The following DOCK10 variants were observed in gnomAD, a reference collection of about 807,000 sequenced individuals.
The protein encoded by DOCK10 is dedicator of cytokinesis 10, also known as dedicator of cytokinesis protein 10.
A neutral mutation model predicts 280.1 loss-of-function variants in DOCK10; 145 were observed. The observed-to-expected ratio is 0.52, with a 90% CI of 0.45 to 0.59. DOCK10 has a LOEUF of 0.59. Ranked by LOEUF, DOCK10 falls within the 20% of genes least tolerant of loss-of-function variation. DOCK10 has a pLI of 0.00. For missense variants in DOCK10, 2,368 were observed against 2,651.7 expected (o/e 0.89, Z 2.35); for synonymous variants, 915 against 942.2 (o/e 0.97, Z 0.53).
chr2:224,915,471 G>A (rs1575050407), intron 3 of DOCK10, among the ~76,000 whole-genome samples: 1 of 151,796 alleles, frequency 6.6e-6, no homozygotes, highest in South Asian at 2.1e-4. Context: ...CAAAATAATG[G>A]AATTGGGAAA....
intron 27 of DOCK10, among the ~76,000 whole-genome samples, chr2:224,826,974 A>G (rs1255020282): frequency 6.6e-6 from 1 of 151,210 alleles, no homozygotes; most frequent in East Asian, 2.0e-4. Context: ...AAGGGGAAAA[A>G]AAAATGGGCC....
Position 224,931,651 on chromosome 2 carries a change from A to C in DOCK10, c.141T>G (p.Leu47=). The change falls in exon 2 of 56, where the codon CTT becomes CTG. Residue 47 remains leucine (L), a synonymous_variant. Coordinates refer to ENST00000258390, the MANE Select transcript of DOCK10 (RefSeq NM_014689.3). ...CAGTCTCATAATCCAAAGGCTCGAG[A>C]AGCCTAGGCTTTTCTTGCTGTAGAA... ...RQQQRQEKPR[L]LEPLDYETVI... The C allele has an allele frequency of 6.2e-7, 1 of 1,607,770 alleles. No individual in the cohort carries two copies. Among genetic ancestry groups the C allele is most frequent in the Non-Finnish European group, 8.5e-7 (1 of 1,176,988 alleles).
intron 1 of DOCK10, among the ~76,000 whole-genome samples, chr2:224,934,540 T>C (rs991639918): frequency 6.6e-5 from 10 of 152,240 alleles, no homozygotes; most frequent in Non-Finnish European, 1.5e-5. Flanking sequence ...TTTACACATC[T>C]GTGATGGCGA....
Position 224,835,239 on chromosome 2 carries a change from T to C in DOCK10, c.2851-976A>G, listed in dbSNP as rs2125422536. Among the ~76,000 whole-genome samples the C allele has an allele frequency of 1.3e-5, 2 of 152,372 alleles. 1 individual carries two copies. Among genetic ancestry groups the C allele is most frequent in the South Asian group, 4.1e-4 (2 of 4,832 alleles). ...TACAATTTTTCCCTCTCATGGGTTA[T>C]ACCTCAGATGTGAGTAACGTCATCA... is the stretch of plus-strand genomic sequence containing the variant. On this transcript the variant is annotated intron_variant, in intron 25 of 55. Coordinates refer to ENST00000258390, the MANE Select transcript of DOCK10 (RefSeq NM_014689.3).
chr2:224,943,615 A>C (rs1272151922), intron 1 of DOCK10, among the ~76,000 whole-genome samples: 1 of 152,174 alleles, frequency 6.6e-6, no homozygotes, highest in African/African-American at 2.4e-5. Flanking sequence ...ATTTAAAAGA[A>C]GTTATTGCTT....
At chr2:224,914,654 C>A (rs183807027) in intron 3 of DOCK10, among the ~76,000 whole-genome samples, 17 of 152,016 alleles carry the variant, frequency 1.1e-4, no homozygotes, top group Non-Finnish European at 2.2e-4. Flanking sequence ...ACGCCAGAAA[C>A]GAACATAAAA....
intron 3 of DOCK10, among the ~76,000 whole-genome samples, chr2:224,915,701 C>T (rs898356550): frequency 2.6e-5 from 4 of 152,200 alleles, no homozygotes; most frequent in African/African-American, 9.6e-5. Flanking sequence ...CCACTACTTT[C>T]AGTTTGACCT....
At chr2:224,955,887 A>G (rs1188382498) in intron 1 of DOCK10, among the ~76,000 whole-genome samples, 1 of 152,222 alleles carries the variant, frequency 6.6e-6, no homozygotes, top group Non-Finnish European at 1.5e-5. Context: ...TACCTCTCAT[A>G]AGGGCACCCA....
chr2:225,039,689 T>TCC (rs1222283063), intron 1 of DOCK10, among the ~76,000 whole-genome samples: 8 of 10,356 alleles, frequency 7.7e-4, no homozygotes, highest in Admixed American at 6.8e-3. Flanking sequence ...TCCTGTCTTC[T>TCC]CTCTCTCTCT....
intron 27 of DOCK10, among the ~76,000 whole-genome samples, chr2:224,830,076 C>A (rs1019236141): frequency 2.6e-5 from 4 of 152,148 alleles, no homozygotes; most frequent in Non-Finnish European, 5.9e-5. Context: ...AGGCTACCCT[C>A]CCCCCAGGCT....
At chr2:224,837,663 CAGTT>C in intron 25 of DOCK10, 95 bp downstream of exon 25, 1 of 941,478 alleles carries the variant, frequency 1.1e-6, no homozygotes, top group Non-Finnish European at 1.7e-6. Context: ...GGGCGCCACT[CAGTT>C]AAAGGGAGAA....
Position 224,876,290 on chromosome 2 carries a change from A to T in DOCK10, c.748-69T>A, listed in dbSNP as rs1395190463. ...TAAGCCTTCGAGAGAGAGATCATTT[A>T]TGTGGGCTTGAGGTTCCAAAAGTCT... On this transcript the variant is annotated intron_variant, in intron 7 of 55. Transcript: ENST00000258390. The T allele has an allele frequency of 8.1e-6, 11 of 1,365,560 alleles. No individual in the cohort carries two copies. The South Asian group carries it at 1.5e-4, about 18-fold the overall frequency. The allele number at this position is 1,365,560 out of a possible 1,614,324, so 84.6% of individuals were successfully genotyped here.
chr2:225,010,347 T>C (rs946365977), intron 1 of DOCK10: 1 of 152,034 alleles, frequency 6.6e-6, no homozygotes, highest in Non-Finnish European at 1.5e-5. Flanking sequence ...AGGGCCTGGA[T>C]AGAGAGAAGT....
At chr2:224,873,714 A>T (rs1388589826) in intron 11 of DOCK10, among the ~76,000 whole-genome samples, 5 of 151,896 alleles carry the variant, frequency 3.3e-5, no homozygotes, top group African/African-American at 1.2e-4. Flanking sequence ...ACAGTCCTTT[A>T]ATGCTTTTTC....
chr2:224,877,506 G>GGTTCCTATTCTA (rs1698713297), intron 7 of DOCK10, among the ~76,000 whole-genome samples: 1 of 102,250 alleles, frequency 9.8e-6, no homozygotes, highest in African/African-American at 2.9e-5. Context: ...CCTATTCCAA[G>GGTTCCTATTCTA]TTGACATTCT....
At chr2:224,963,777 T>C (rs55780474) in intron 1 of DOCK10, among the ~76,000 whole-genome samples, 1,791 of 152,334 alleles carry the variant, frequency 0.012, 26 homozygotes, top group Non-Finnish European at 0.015. Flanking sequence ...TGAAAGTTAG[T>C]TACTCGAAGT....
intron 1 of DOCK10, among the ~76,000 whole-genome samples, chr2:225,027,727 G>C (rs564360998): frequency 6.6e-6 from 1 of 152,274 alleles, no homozygotes; most frequent in African/African-American, 2.4e-5. Flanking sequence ...CATGCTTCCT[G>C]TATAGCCTGT....
intron 1 of DOCK10, chr2:224,983,601 C>T: frequency 3.0e-6 from 1 of 331,814 alleles, no homozygotes; most frequent in South Asian, 2.5e-5. Flanking sequence ...AACGTGTGGC[C>T]GCCCCAGCCT....
intron 51 of DOCK10, among the ~76,000 whole-genome samples, chr2:224,776,527 C>T (rs908844503): frequency 2.6e-5 from 4 of 151,918 alleles, no homozygotes; most frequent in African/African-American, 7.2e-5. Context: ...GGGAAGGTGA[C>T]TATAGCTAAG....
Sources: allele counts gnomAD v4.1 joint callset (sites outside exome capture counted in the v4.1 genomes callset), GRCh38; gene constraint gnomAD v4.1.1; transcripts MANE v1.5; gene names NCBI Gene and HGNC (gene_info 2026-07-23, HGNC 2026-07-21).